Variants in NRF1 observed in about 807,000 individuals in gnomAD.
NRF1 encodes the protein alpha palindromic-binding protein.
A neutral mutation model predicts 58.5 loss-of-function variants in NRF1; 5 were observed. The observed-to-expected ratio is 0.09, with a 90% CI of 0.04 to 0.18. NRF1 has a LOEUF of 0.18. NRF1 is among the 10% of genes least tolerant of loss of function. The pLI, the probability that NRF1 is intolerant of heterozygous loss-of-function variation, is 1.00. For missense variants in NRF1, 288 were observed against 657.7 expected, an observed-to-expected ratio of 0.44 and a Z score of 6.15; for synonymous variants, 224 against 246.7, an observed-to-expected ratio of 0.91 and a Z score of 0.86.
intron 10 of NRF1, among the ~76,000 whole-genome samples, chr7:129,737,927 GTT>G (rs1337949416): frequency 2.0e-5 from 3 of 152,172 alleles, no homozygotes. Flanking sequence ...CTAAGCAACT[GTT>G]TTTTGTGTGA....
chr7:129,653,639 C>T (rs1271577676), intron 1 of NRF1, among the ~76,000 whole-genome samples: 1 of 152,138 alleles, frequency 6.6e-6, no homozygotes, highest in East Asian at 1.9e-4. Context: ...CCTGTTCATC[C>T]CTCCCTTCCC....
intron 2 of NRF1, among the ~76,000 whole-genome samples, chr7:129,668,923 T>C (rs1450476503): frequency 7.9e-5 from 12 of 152,168 alleles, no homozygotes; most frequent in African/African-American, 2.7e-4. Flanking sequence ...TTGAGTTTCC[T>C]CTCCTTTCCC....
chr7:129,635,904 C>T (rs1420447473), intron 1 of NRF1, among the ~76,000 whole-genome samples: 5 of 152,122 alleles, frequency 3.3e-5, no homozygotes, highest in African/African-American at 1.2e-4. Context: ...AATTCCTCTT[C>T]CTCATAATGG....
At chr7:129,716,670 A>T (rs913726417) in intron 8 of NRF1, among the ~76,000 whole-genome samples, 2 of 152,052 alleles carry the variant, frequency 1.3e-5, no homozygotes, top group Non-Finnish European at 2.9e-5. Flanking sequence ...CAGGAGTTTG[A>T]GACCAGCCTG....
chr7:129,618,954 AC>A (rs1261728795), intron 1 of NRF1, among the ~76,000 whole-genome samples: 2 of 152,138 alleles, frequency 1.3e-5, no homozygotes, highest in Non-Finnish European at 2.9e-5. Context: ...GCAACATGTC[AC>A]CTGAGGTCAG....
chr7:129,690,123 A>G (rs1176835107), intron 4 of NRF1, among the ~76,000 whole-genome samples: 5 of 152,188 alleles, frequency 3.3e-5, no homozygotes, highest in Non-Finnish European at 5.9e-5. Context: ...TGGCACCCTC[A>G]TTGAGAAAAT....
chr7:129,644,123 T>A (rs1323066767), intron 1 of NRF1, among the ~76,000 whole-genome samples: 1 of 152,230 alleles, frequency 6.6e-6, no homozygotes, highest in East Asian at 1.9e-4. Flanking sequence ...TTAGCAAATA[T>A]CACTAGAATA....
intron 2 of NRF1, among the ~76,000 whole-genome samples, chr7:129,669,158 G>T (rs1160345406): frequency 6.6e-6 from 1 of 152,114 alleles, no homozygotes; most frequent in Non-Finnish European, 1.5e-5. Context: ...TATTGGCCAG[G>T]CTGGTCTCAA....
At position 129,697,978 on chromosome 7, in the gene NRF1, G is replaced by A. The variant is rs907310555; in HGVS notation, c.606+7432G>A. ...AACTGCTGAGCTCAGGCAATCTGCC[G>A]GTCTTGGCCTTCCAAAGTTTTAGGA... On this transcript the variant is annotated intron_variant, in intron 5 of 10. Coordinates refer to ENST00000393232, the MANE Select transcript of NRF1 (RefSeq NM_005011.5). 1.2e-4 allele frequency among the ~76,000 whole-genome samples: 19 copies of A among 152,124 alleles called. No individual in the cohort carries two copies. In the East Asian group the frequency reaches 3.5e-3, roughly 28 times the overall value.
chr7:129,614,406 G>GCGCCTGGCC lies in NRF1; in HGVS notation c.-7+2584_-7+2592dup, dbSNP rs550196478. Reference sequence around the variant, plus strand: ...GCTGGGATTACAGGCATGAGCCAATGCGCCTGGCCCAATAATTTTCTTATA... The same window carrying GCGCCTGGCC: ...GCTGGGATTACAGGCATGAGCCAATGCGCCTGGCCCGCCTGGCCCAATAATTTTCTTATA... On this transcript the variant is annotated intron_variant, in intron 1 of 10. Coordinates refer to ENST00000393232, the MANE Select transcript of NRF1 (RefSeq NM_005011.5). Among the ~76,000 whole-genome samples, 657 of 149,452 alleles carry GCGCCTGGCC rather than the reference G, an allele frequency of 4.4e-3. 3 individuals carry two copies. The highest frequency in any genetic ancestry group is 0.016 in the African/African-American group (637 of 40,264).
chr7:129,744,284 G>A, intron 10 of NRF1: 1 of 1,482,142 alleles, frequency 6.7e-7, no homozygotes, highest in Non-Finnish European at 9.2e-7. Flanking sequence ...GTCACTGTGA[G>A]GCTGTCATTC....
At chr7:129,666,601 T>G (rs576550061) in intron 2 of NRF1, among the ~76,000 whole-genome samples, 82 of 152,208 alleles carry the variant, frequency 5.4e-4, no homozygotes, top group African/African-American at 1.8e-3. Context: ...GCACGATCTC[T>G]GCTCACTGCA....
At chr7:129,684,704 A>G (rs959061170) in intron 4 of NRF1, among the ~76,000 whole-genome samples, 2 of 152,222 alleles carry the variant, frequency 1.3e-5, no homozygotes, top group African/African-American at 4.8e-5. Context: ...CTTTAGGGCA[A>G]TGAAGAACCG....
At chr7:129,730,859 C>T (rs570538166) in intron 10 of NRF1, among the ~76,000 whole-genome samples, 1 of 151,972 alleles carries the variant, frequency 6.6e-6, no homozygotes, top group Non-Finnish European at 1.5e-5. Context: ...CACCTGTAGT[C>T]CCAGCTACTT....
chr7:129,696,060 TAAAAAAAAAAAA>T (rs11434445), intron 5 of NRF1, among the ~76,000 whole-genome samples: 3 of 53,388 alleles, frequency 5.6e-5, no homozygotes, highest in African/African-American at 1.3e-4. Context: ...CCGTCTCTAC[TAAAAAAAAAAAA>T]AAAAAAAAAA....
chr7:129,619,433 T>TATATATATACACAC (rs1554401492), intron 1 of NRF1, among the ~76,000 whole-genome samples: 1 of 65,872 alleles, frequency 1.5e-5, no homozygotes, highest in Non-Finnish European at 2.5e-5. Context: ...TATATATATA[T>TATATATATACACAC]ACACACACAC....
At chr7:129,665,168 C>G (rs1287127499) in intron 2 of NRF1, among the ~76,000 whole-genome samples, 5 of 152,156 alleles carry the variant, frequency 3.3e-5, no homozygotes, top group Admixed American at 3.3e-4. Flanking sequence ...CAAGGACTTG[C>G]AGATGGGAAA....
At chr7:129,673,458 G>A (rs576947818) in intron 3 of NRF1, among the ~76,000 whole-genome samples, 23 of 152,204 alleles carry the variant, frequency 1.5e-4, no homozygotes, top group South Asian at 2.1e-4. Context: ...GGTCGGGCGC[G>A]GTGGCTCACG....
chr7:129,663,258 G>A (rs1242801218), intron 2 of NRF1, among the ~76,000 whole-genome samples: 1 of 152,192 alleles, frequency 6.6e-6, no homozygotes, highest in Admixed American at 6.5e-5. Flanking sequence ...CGCTCTCGAT[G>A]GTCGCTGTCT....
Sources: allele counts gnomAD v4.1 joint callset (sites outside exome capture counted in the v4.1 genomes callset), GRCh38; gene constraint gnomAD v4.1.1; transcripts MANE v1.5; gene names NCBI Gene and HGNC (gene_info 2026-07-23, HGNC 2026-07-21).